The following GCN1 variants were observed in gnomAD, a reference collection of about 807,000 sequenced individuals.
GCN1 encodes GCN1 activator of EIF2AK4, also known as stalled ribosome sensor GCN1.
Under a neutral mutation model 288.4 loss-of-function variants are expected in GCN1, and 90 were observed. The ratio of observed to expected loss-of-function variants is 0.31; its 90% CI spans 0.26 to 0.37. GCN1 has a LOEUF of 0.37. Ranked by LOEUF, GCN1 falls within the 10% of genes least tolerant of loss-of-function variation. GCN1 has a pLI of 1.00. For synonymous variants in GCN1, 1,386 were observed against 1,420.2 expected (o/e 0.98, Z 0.54); for missense variants, 2,586 against 3,419.9 (o/e 0.76, Z 6.08).
chr12:120,155,331 G>A lies in GCN1; in HGVS notation c.3540C>T (p.Ala1180=), dbSNP rs57754755. 482 of 1,614,186 alleles carry A rather than the reference G, an allele frequency of 3.0e-4. No individual in the cohort carries two copies. In the African/African-American group the frequency reaches 5.4e-3, roughly 18 times the overall value. The change falls in exon 30 of 58, where the codon GCC becomes GCT. Residue 1180 remains alanine, a synonymous_variant. Coordinates refer to ENST00000300648, the MANE Select transcript of GCN1 (RefSeq NM_006836.2). This position sits in a 1 kb window ranked among gnomAD's most constrained non-coding sequence, Gnocchi z 4.9. ...YHEAAVRQAG[A]EALSQAVARY... is the part of the protein sequence containing the mutation. ...GTGCCACTGCTTGGGAGAGGGCTTC[G>A]GCCCCTGCCTGCCTTACAGCCGCCT...
In GCN1 at chr12:120,156,636, A is replaced by G; in HGVS notation, c.3169-32T>C. 1.2e-6 allele frequency: 2 copies of G among 1,611,266 alleles called. No homozygotes were observed. The highest frequency in any genetic ancestry group is 8.5e-7 in the Non-Finnish European group (1 of 1,177,882). Reference sequence around the variant, plus strand: ...AGAACATCAATCCACTGGTTCAGTCAGCAACTCATTTACTACTAGGGGGCC... The same window carrying G: ...AGAACATCAATCCACTGGTTCAGTCGGCAACTCATTTACTACTAGGGGGCC... On this transcript the variant is annotated intron_variant, in intron 27 of 57. Transcript: ENST00000300648. The surrounding 1 kb of genome is among the most constrained non-coding windows in gnomAD (Gnocchi z 5.8).
chr12:120,184,359 A>G, intron 3 of GCN1, 116 bp from the exon 4 acceptor site: 1 of 819,996 alleles, frequency 1.2e-6, no homozygotes, highest in Non-Finnish European at 1.9e-6. Context: ...ACCATATTCC[A>G]GTGGATAACA....
chr12:120,136,428 A>T, intron 51 of GCN1, 74 bp downstream of exon 51: 1 of 1,141,388 alleles, frequency 8.8e-7, no homozygotes, highest in Non-Finnish European at 1.3e-6. Context: ...CCCTGCTGCT[A>T]CATGACACCT....
chr12:120,161,498 G>C lies in GCN1; in HGVS notation c.2428C>G (p.Leu810Val). The C allele has an allele frequency of 6.2e-7, 1 of 1,611,376 alleles. No homozygotes were observed. Among genetic ancestry groups the C allele is most frequent in the Non-Finnish European group, 8.5e-7 (1 of 1,177,508 alleles). The change falls in exon 22 of 58, where the codon CTG (leucine) becomes GTG (valine). Residue 810 changes from leucine to valine, a missense_variant. By Grantham distance (32) the Leu-to-Val change is conservative. This residue lies in a region of GCN1 where 913 missense variants were observed against 1,107.0 expected (regional missense o/e 0.82). Coordinates refer to ENST00000300648, the MANE Select transcript of GCN1 (RefSeq NM_006836.2). ...TGCCTCCGTGTACTCACCTCCTTCA[G>C]CTCCAGCTCGATGATCTGCTCTTTG... ...SFKEQIIELE[L>V]KEEIKKKKGI... is the part of the protein sequence containing the mutation.
At chr12:120,136,477 C>G (rs773034633) in intron 51 of GCN1, 25 bp downstream of exon 51, 3 of 1,555,590 alleles carry the variant, frequency 1.9e-6, no homozygotes, top group African/African-American at 1.4e-5. Context: ...TCTCTAAGAT[C>G]TGAACAAACT....
At chr12:120,177,623 G>C in intron 8 of GCN1, 61 bp downstream of exon 8, 1 of 1,538,480 alleles carries the variant, frequency 6.5e-7, no homozygotes, top group South Asian at 1.1e-5. Flanking sequence ...AAAGAGTTCA[G>C]CATCCCAGAA....
rs1424566260 is a variant in GCN1 at position 120,151,299 on chromosome 12, C to T, written c.4155G>A (p.Leu1385=). Residue 1385 remains leucine (L), a synonymous_variant, in exon 34 of 58, where the codon CTG becomes CTA. Transcript: ENST00000300648. The part of the protein sequence containing the change: ...GGMIQRLMQQ[L]LESDKYAERK... ...GCTCTGCGTACTTGTCTGACTCCAG[C>T]AGCTGCTGCATAAGCCTCTGGATCA... 2 of 1,614,072 alleles carry T rather than the reference C, an allele frequency of 1.2e-6. No homozygotes were observed. Among genetic ancestry groups the T allele is most frequent in the South Asian group, 2.2e-5 (2 of 91,094 alleles).
chr12:120,149,574 G>T, intron 36 of GCN1, 32 bp downstream of exon 36: 1 of 1,475,516 alleles, frequency 6.8e-7, no homozygotes, highest in Non-Finnish European at 9.5e-7. Context: ...ATAACAGGAA[G>T]CTGGGAAGAG....
At position 120,134,440 on chromosome 12, in the gene GCN1, G is replaced by C. The variant is rs778678114; in HGVS notation, c.7203-35C>G. ...CAATGCACCGCCTTAAGCCCTGGGT[G>C]CCTCCACCACCACCCCTCCTGCCAG... is the stretch of plus-strand genomic sequence containing the variant. On this transcript the variant is annotated intron_variant, in intron 52 of 57. Transcript: ENST00000300648. This position sits in a 1 kb window ranked among gnomAD's most constrained non-coding sequence, Gnocchi z 5.0. 1 of 1,591,660 alleles carries C rather than the reference G, an allele frequency of 6.3e-7. No homozygotes were observed. Among genetic ancestry groups the C allele is most frequent in the Admixed American group, 1.7e-5 (1 of 59,952 alleles).
rs1245297493 is a variant in GCN1 at position 120,134,011 on chromosome 12, G to A, written c.7317+280C>T. Among the ~76,000 whole-genome samples the A allele has an allele frequency of 6.6e-6, 1 of 152,156 alleles. No homozygotes were observed. The highest frequency in any genetic ancestry group is 6.5e-5 in the Admixed American group (1 of 15,276). ...CTTGATAGGAGGCGGAGGCTGCAGT[G>A]AGCCGAGATTGTGCCACTTCACTCC... On this transcript the variant is annotated intron_variant, in intron 53 of 57. Coordinates refer to ENST00000300648, the MANE Select transcript of GCN1 (RefSeq NM_006836.2). The surrounding 1 kb of genome is among the most constrained non-coding windows in gnomAD (Gnocchi z 5.0).
chr12:120,146,473 C>T (rs907452158), intron 38 of GCN1, among the ~76,000 whole-genome samples: 2 of 152,032 alleles, frequency 1.3e-5, no homozygotes, highest in African/African-American at 2.4e-5. Context: ...TCAAGCTATC[C>T]TCCCATTTCA....
intron 16 of GCN1, among the ~76,000 whole-genome samples, chr12:120,166,947 C>T (rs1207811762): frequency 2.7e-5 from 4 of 149,470 alleles, no homozygotes; most frequent in South Asian, 2.1e-4. Flanking sequence ...CCAGGGAGGT[C>T]GAGGCTGCAG....
In GCN1 at chr12:120,161,472, G is replaced by C; in HGVS notation, c.2436+18C>G. The C allele has an allele frequency of 6.4e-7, 1 of 1,563,166 alleles. No homozygotes were observed. Among genetic ancestry groups the C allele is most frequent in the Non-Finnish European group, 8.8e-7 (1 of 1,133,678 alleles). ...CAAGCTCAGCAGCCACCTTCCGTAA[G>C]TGCCTCCGTGTACTCACCTCCTTCA... is the stretch of plus-strand genomic sequence containing the variant. On this transcript the variant is annotated intron_variant, in intron 22 of 57. Transcript: ENST00000300648.
rs79718983 is a variant in GCN1, at chr12:120,184,914, G to A, written c.122-27C>T. The A allele has an allele frequency of 5.0e-3, 7,710 of 1,551,252 alleles. 306 individuals are homozygous for A. In the African/African-American group the frequency reaches 0.087, roughly 18 times the overall value. ...TGAAACCAGAGATTACACAGACAGC[G>A]GTCAATAAAAATCACTTGGTAAGCC... On this transcript the variant is annotated intron_variant, in intron 2 of 57. Coordinates refer to ENST00000300648, the MANE Select transcript of GCN1 (RefSeq NM_006836.2).
At chr12:120,150,168 G>A in intron 34 of GCN1, 125 bp from the exon 35 acceptor site, 1 of 873,506 alleles carries the variant, frequency 1.1e-6, no homozygotes. Flanking sequence ...AAACAGCTGT[G>A]GAACTAGTAG....
intron 1 of GCN1, among the ~76,000 whole-genome samples, chr12:120,191,074 G>C (rs564064256): frequency 2.0e-5 from 3 of 152,176 alleles, no homozygotes; most frequent in Admixed American, 1.3e-4. Context: ...GCTTAAATGA[G>C]ATTGCGTATA....
rs369096532 is a variant in GCN1, at chr12:120,145,292, C to T, written c.4986G>A (p.Leu1662=). The T allele has an allele frequency of 3.1e-4, 498 of 1,602,874 alleles. 3 individuals carry two copies. The highest frequency in any genetic ancestry group is 1.6e-4 in the East Asian group (7 of 44,758). Residue 1662 remains leucine, a synonymous_variant, in exon 39 of 58, where the codon CTG becomes CTA. Coordinates refer to ENST00000300648, the MANE Select transcript of GCN1 (RefSeq NM_006836.2). ...APYLPSVTPG[L]KASLLDPVPE... ...GCACAGGGTCCAAAAGCGATGCTTTCAGGCCAGGCGTCACGCTGGGCAGGT... is the reference window on the plus strand; with the variant it reads ...GCACAGGGTCCAAAAGCGATGCTTTTAGGCCAGGCGTCACGCTGGGCAGGT...
chr12:120,172,792 C>T (rs2139128166), intron 14 of GCN1, among the ~76,000 whole-genome samples: 1 of 152,172 alleles, frequency 6.6e-6, no homozygotes, highest in Middle Eastern at 3.4e-3. Context: ...GCGTGAGCCA[C>T]TGTGCCCAGC....
chr12:120,137,099 C>A lies in GCN1; in HGVS notation c.6777+107G>T, dbSNP rs549956086. The A allele has an allele frequency of 1.3e-5, 10 of 784,426 alleles. No homozygotes were observed. Among genetic ancestry groups the A allele is most frequent in the Non-Finnish European group, 2.0e-5 (9 of 447,712 alleles). 48.6% of individuals were successfully genotyped at this position (784,426 alleles called of 1,614,324 possible). A position where few individuals can be genotyped will look rare whatever the true frequency, so the allele number is the denominator to read the frequency against. ...CGAAGGTGCTGAACACCAACCACCACGGCTACTGCTCCAGCAGCCCCTACC... is the reference window on the plus strand; with the variant it reads ...CGAAGGTGCTGAACACCAACCACCAAGGCTACTGCTCCAGCAGCCCCTACC... On this transcript the variant is annotated intron_variant, in intron 50 of 57. Transcript: ENST00000300648. The surrounding 1 kb of genome is among the most constrained non-coding windows in gnomAD (Gnocchi z 5.2).
Sources: gnomAD v4.1 joint callset for allele counts (sites outside exome capture counted in the v4.1 genomes callset) on GRCh38, gnomAD v4.1.1 for gene constraint, gnomAD v4.1.1 regional missense constraint, Gnocchi (gnomAD v3.1) non-coding constraint, MANE v1.5 for transcripts, NCBI Gene and HGNC (gene_info 2026-07-23, HGNC 2026-07-21) for gene names.